The following CCDC171 variants were observed in gnomAD, a reference collection of about 807,000 sequenced individuals.
The protein encoded by CCDC171 is coiled-coil domain containing 171, also known as coiled-coil domain-containing protein 171.
A neutral mutation model predicts 168.2 loss-of-function variants in CCDC171; 177 were observed. The ratio of observed to expected loss-of-function variants is 1.05; its 90% CI spans 0.93 to 1.19. The LOEUF (loss-of-function observed/expected upper bound fraction) is 1.19. CCDC171 is among the 50% of genes most tolerant of loss of function. The probability of loss-of-function intolerance (pLI) is 0.00; values close to 1 mark genes in which losing one functional copy is unlikely to be tolerated. For synonymous variants in CCDC171, 687 were observed against 540.8 expected (o/e 1.27, Z -3.75); for missense variants, 1,991 against 1,539.0 (o/e 1.29, Z -4.91).
intron 9 of CCDC171, among the ~76,000 whole-genome samples, chr9:15,671,179 T>G (rs1237432277): frequency 6.6e-6 from 1 of 152,182 alleles, no homozygotes; most frequent in Non-Finnish European, 1.5e-5. Flanking sequence ...TTAGTTCATG[T>G]GATTAACCAA....
intron 25 of CCDC171, among the ~76,000 whole-genome samples, chr9:15,951,541 T>TGTTA (rs1298803692): frequency 6.6e-6 from 1 of 152,146 alleles, no homozygotes; most frequent in East Asian, 1.9e-4. Context: ...TTTGTTTGTT[T>TGTTA]GCTTGTTTTT....
At chr9:15,789,300 A>T (rs191211118) in intron 21 of CCDC171, among the ~76,000 whole-genome samples, 1 of 152,282 alleles carries the variant, frequency 6.6e-6, no homozygotes, top group Admixed American at 6.5e-5. Context: ...AATATTCAAA[A>T]TCTGAAATAC....
At chr9:15,777,931 G>T in intron 19 of CCDC171, 105 bp downstream of exon 19, 1 of 705,664 alleles carries the variant, frequency 1.4e-6, no homozygotes, top group Non-Finnish European at 2.2e-6. Context: ...AATGTATCTG[G>T]ATTTTCTTTA....
At chr9:15,554,023 CT>C (rs143936791) in intron 1 of CCDC171, among the ~76,000 whole-genome samples, 96 of 143,254 alleles carry the variant, frequency 6.7e-4, no homozygotes, top group Middle Eastern at 3.6e-3. Context: ...GATTTTGTCA[CT>C]TTTTTTTTTT....
intron 7 of CCDC171, among the ~76,000 whole-genome samples, chr9:15,647,966 G>A (rs1353719446): frequency 1.3e-5 from 2 of 152,076 alleles, no homozygotes; most frequent in African/African-American, 4.8e-5. Context: ...TTAGACCAAT[G>A]TCCCTGATGA....
chr9:15,770,203 A>G (rs2056940412), intron 18 of CCDC171, among the ~76,000 whole-genome samples: 1 of 152,220 alleles, frequency 6.6e-6, no homozygotes, highest in Non-Finnish European at 1.5e-5. Flanking sequence ...TTGATGTCCA[A>G]CATGACATGT....
intron 25 of CCDC171, among the ~76,000 whole-genome samples, chr9:15,963,189 G>A (rs1013151613): frequency 2.0e-5 from 3 of 152,016 alleles, no homozygotes; most frequent in Non-Finnish European, 2.9e-5. Flanking sequence ...TGTGGGGTGC[G>A]GGGAGCAGGG....
At chr9:16,051,094 A>T (rs1427785861) in intron 1 of CCDC171, among the ~76,000 whole-genome samples, 1 of 152,186 alleles carries the variant, frequency 6.6e-6, no homozygotes, top group East Asian at 1.9e-4. Context: ...TCATATTTTT[A>T]TATGTTTCTC....
chr9:15,618,362 G>A (rs1308196579), intron 6 of CCDC171, among the ~76,000 whole-genome samples: 4 of 152,146 alleles, frequency 2.6e-5, no homozygotes, highest in Admixed American at 2.6e-4. Flanking sequence ...GGCGGTCGCT[G>A]CTTCCCCCAC....
chr9:15,568,516 C>T (rs547278245), intron 2 of CCDC171, among the ~76,000 whole-genome samples: 75 of 152,248 alleles, frequency 4.9e-4, no homozygotes, highest in Non-Finnish European at 9.1e-4. Context: ...GTGATCCACC[C>T]GCCTTGGCCT....
intron 1 of CCDC171, among the ~76,000 whole-genome samples, chr9:16,051,198 C>T (rs1833744482): frequency 6.6e-6 from 1 of 152,010 alleles, no homozygotes. Context: ...TTTCAACATT[C>T]AGGATTGTGT....
chr9:15,673,601 A>G (rs531008244), intron 9 of CCDC171, among the ~76,000 whole-genome samples: 10 of 152,328 alleles, frequency 6.6e-5, no homozygotes, highest in African/African-American at 2.2e-4. Context: ...ATCTATTGAG[A>G]TAATCATGTG....
intron 21 of CCDC171, among the ~76,000 whole-genome samples, chr9:15,844,493 A>G (rs1338790917): frequency 6.6e-6 from 1 of 152,042 alleles, no homozygotes; most frequent in African/African-American, 2.4e-5. Context: ...CTTAGGACCC[A>G]CTGATGTATT....
intron 23 of CCDC171, among the ~76,000 whole-genome samples, chr9:15,874,204 T>C (rs1379286207): frequency 6.6e-6 from 1 of 152,160 alleles, no homozygotes; most frequent in African/African-American, 2.4e-5. Context: ...CTGTTGTTTT[T>C]GATTTTGTGA....
intron 6 of CCDC171, among the ~76,000 whole-genome samples, chr9:15,618,049 C>T (rs1281665579): frequency 6.6e-6 from 1 of 152,166 alleles, no homozygotes; most frequent in African/African-American, 2.4e-5. Flanking sequence ...GGGAGAATCC[C>T]CCTTGTCAGG....
the CCDC171 span, among the ~76,000 whole-genome samples, chr9:16,096,795 C>G: frequency 6.6e-6 from 1 of 152,084 alleles, no homozygotes; most frequent in Non-Finnish European, 1.5e-5. Flanking sequence ...GCGTACTGCA[C>G]CATCCAGAGT....
At chr9:15,954,150 T>A (rs941153976) in intron 25 of CCDC171, among the ~76,000 whole-genome samples, 2 of 133,096 alleles carry the variant, frequency 1.5e-5, no homozygotes, top group Admixed American at 7.8e-5. Flanking sequence ...CTACTTACTT[T>A]CTTTTTTTTT....
upstream of CCDC171, among the ~76,000 whole-genome samples, chr9:16,038,456 T>A (rs1833512059): frequency 6.6e-6 from 1 of 152,124 alleles, no homozygotes; most frequent in Admixed American, 6.5e-5. Context: ...CTCTGAAGAT[T>A]GATAGGTAAG....
At chr9:15,786,303 CTG>C (rs978201720) in intron 21 of CCDC171, among the ~76,000 whole-genome samples, 21 of 152,038 alleles carry the variant, frequency 1.4e-4, no homozygotes, top group Admixed American at 6.6e-4. Flanking sequence ...ACCGATATGA[CTG>C]TGAATTTTTT....
Sources: gnomAD v4.1 joint callset for allele counts (sites outside exome capture counted in the v4.1 genomes callset) on GRCh38, gnomAD v4.1.1 for gene constraint, MANE v1.5 for transcripts, NCBI Gene and HGNC (gene_info 2026-07-23, HGNC 2026-07-21) for gene names.